The following ANKIB1 variants were observed in gnomAD, a reference collection of about 807,000 sequenced individuals.
ANKIB1 encodes ankyrin repeat and IBR domain containing 1.
A neutral mutation model predicts 122.1 loss-of-function variants in ANKIB1; 43 were observed. The ratio of observed to expected loss-of-function variants is 0.35; its 90% CI spans 0.28 to 0.45. The LOEUF (loss-of-function observed/expected upper bound fraction) is 0.45, where lower values mean the gene tolerates loss of function less well. Among genes scored for constraint, ANKIB1 ranks in the 20% least tolerant of loss-of-function variants. The pLI, the probability that ANKIB1 is intolerant of heterozygous loss-of-function variation, is 1.00. For missense variants in ANKIB1, 992 were observed against 1,329.5 expected (o/e 0.75, Z 3.95); for synonymous variants, 390 against 442.0 (o/e 0.88, Z 1.48).
chr7:92,296,637 A>G (rs944864510), intron 2 of ANKIB1, among the ~76,000 whole-genome samples: 6 of 152,106 alleles, frequency 3.9e-5, no homozygotes, highest in Non-Finnish European at 7.4e-5. Context: ...TATTTGCTAT[A>G]TATTACCTAT....
intron 3 of ANKIB1, among the ~76,000 whole-genome samples, chr7:92,309,942 AATATATATAT>A (rs1162113763): frequency 1.1e-5 from 1 of 91,818 alleles, no homozygotes; most frequent in Non-Finnish European, 2.0e-5. Flanking sequence ...AAAAAAAAAA[AATATATATAT>A]ATATATATAT....
chr7:92,291,304 A>T (rs1562772722), intron 1 of ANKIB1, among the ~76,000 whole-genome samples: 1 of 152,044 alleles, frequency 6.6e-6, no homozygotes, highest in African/African-American at 2.4e-5. Flanking sequence ...AAAAAAAAAA[A>T]AAAAGAGTAT....
chr7:92,350,927 T>A, intron 7 of ANKIB1, 23 bp from the exon 8 acceptor site: 1 of 1,580,646 alleles, frequency 6.3e-7, no homozygotes. Context: ...GCTCGTTTGA[T>A]GTGCATTGAT....
chr7:92,339,042 T>C (rs1272215746), intron 5 of ANKIB1, among the ~76,000 whole-genome samples: 1 of 95,108 alleles, frequency 1.1e-5, no homozygotes, highest in African/African-American at 4.7e-5. Context: ...TGAATTTTCT[T>C]TTTTTTTTTT....
At chr7:92,246,952 A>G (rs1296444191) in intron 1 of ANKIB1, among the ~76,000 whole-genome samples, 1 of 152,204 alleles carries the variant, frequency 6.6e-6, no homozygotes, top group Non-Finnish European at 1.5e-5. Flanking sequence ...ATAGGTGCAG[A>G]TGGCTCCAGT....
chr7:92,394,694 C>T (rs1001083861), intron 17 of ANKIB1, among the ~76,000 whole-genome samples: 44 of 152,082 alleles, frequency 2.9e-4, no homozygotes, highest in African/African-American at 9.9e-4. Context: ...TCTGTTGAGC[C>T]TTGACGACAC....
In ANKIB1 at chr7:92,334,365, A is replaced by G. The variant is rs372929769; in HGVS notation, c.787+6465A>G. On this transcript the variant is annotated intron_variant, in intron 5 of 19. Transcript: ENST00000265742. Reference sequence around the variant, plus strand: ...CCTGATTCCAAGGGATAATCTTTGTACTATGTCCCATTGCTAACATTTTGA... The same window carrying G: ...CCTGATTCCAAGGGATAATCTTTGTGCTATGTCCCATTGCTAACATTTTGA... 6.6e-4 allele frequency among the ~76,000 whole-genome samples: 101 copies of G among 152,246 alleles called. 3 individuals carry two copies. In the East Asian group the frequency reaches 0.011, roughly 17 times the overall value.
At chr7:92,391,126 A>G (rs997354764) in intron 15 of ANKIB1, 40 bp from the exon 16 acceptor site, 4 of 1,547,810 alleles carry the variant, frequency 2.6e-6, no homozygotes, top group South Asian at 2.5e-5. Context: ...TGATTAACCT[A>G]TGAAGCCTGT....
intron 1 of ANKIB1, among the ~76,000 whole-genome samples, chr7:92,293,647 T>C (rs1380146241): frequency 6.6e-6 from 1 of 152,246 alleles, no homozygotes; most frequent in Non-Finnish European, 1.5e-5. Context: ...ATTATATCAT[T>C]GCCCTGCATA....
chr7:92,358,545 T>TC (rs1319088470), intron 9 of ANKIB1, among the ~76,000 whole-genome samples: 2 of 151,698 alleles, frequency 1.3e-5, no homozygotes, highest in Non-Finnish European at 2.9e-5. Flanking sequence ...TGGCTTTTTT[T>TC]TTTTTTCAGA....
chr7:92,339,996 G>A (rs1025824229), intron 5 of ANKIB1, among the ~76,000 whole-genome samples: 1 of 151,186 alleles, frequency 6.6e-6, no homozygotes, highest in African/African-American at 2.4e-5. Flanking sequence ...TTTTTGGTAA[G>A]TGTTTTCTTT....
At chr7:92,253,691 A>G (rs575750900) in intron 1 of ANKIB1, among the ~76,000 whole-genome samples, 1 of 152,094 alleles carries the variant, frequency 6.6e-6, no homozygotes, top group Non-Finnish European at 1.5e-5. Flanking sequence ...TTACTTATCT[A>G]GAAAACCTTT....
At chr7:92,321,549 A>G (rs866274403) in intron 4 of ANKIB1, among the ~76,000 whole-genome samples, 14 of 152,306 alleles carry the variant, frequency 9.2e-5, no homozygotes, top group Middle Eastern at 3.4e-3. Flanking sequence ...CTTGCACAAA[A>G]CAGGCATCCA....
chr7:92,251,136 C>T (rs955497004), intron 1 of ANKIB1, among the ~76,000 whole-genome samples: 13 of 152,062 alleles, frequency 8.5e-5, no homozygotes, highest in Non-Finnish European at 1.6e-4. Flanking sequence ...CTCACTGAAA[C>T]AATATTGGAG....
rs1218156981 is a variant in ANKIB1, at chr7:92,296,339, C to T, written c.188+1173C>T. Among the ~76,000 whole-genome samples the T allele has an allele frequency of 2.0e-5, 3 of 152,034 alleles. No individual in the cohort carries two copies. In the East Asian group the frequency reaches 5.8e-4, roughly 29 times the overall value. On this transcript the variant is annotated intron_variant, in intron 2 of 19. Transcript: ENST00000265742. ...CTAGACTCAAGCTATCCTCCTACCT[C>T]AGCTTCCCAAGTAGCTAGGACTACA...
rs371339261 is a variant in ANKIB1, at chr7:92,362,201, G to A, written c.1414G>A (p.Ala472Thr). 4.4e-5 allele frequency: 70 copies of A among 1,598,722 alleles called. No individual in the cohort carries two copies. The highest frequency in any genetic ancestry group is 5.7e-5 in the Non-Finnish European group (67 of 1,172,378). ...TTTCTTTAGGGAGTGCCTTGGTGAA[G>A]CACATGAGCCTTGTGACTGCCAAAC... The part of the protein sequence containing the change: ...HLFCWECLGE[A>T]HEPCDCQTWK... Residue 472 changes from alanine (A) to threonine (T), a missense_variant, in exon 10 of 20, where the codon GCA becomes ACA. This residue lies in a region of ANKIB1 where 521 missense variants were observed against 777.7 expected (regional missense o/e 0.67). Transcript: ENST00000265742.
At chr7:92,265,935 A>C (rs577290700) in intron 1 of ANKIB1, among the ~76,000 whole-genome samples, 1 of 152,352 alleles carries the variant, frequency 6.6e-6, no homozygotes, top group South Asian at 2.1e-4. Flanking sequence ...AGAAGTTAGG[A>C]ATCATCAGTA....
intron 1 of ANKIB1, among the ~76,000 whole-genome samples, chr7:92,285,524 C>T (rs1802102290): frequency 6.6e-6 from 1 of 152,174 alleles, no homozygotes; most frequent in Admixed American, 6.5e-5. Flanking sequence ...TTAATCTTTA[C>T]AATAGCCTTT....
In ANKIB1 at chr7:92,275,883, T is replaced by C. The variant is rs963505124; in HGVS notation, c.-90-19006T>C. Among the ~76,000 whole-genome samples, 8 of 152,322 alleles carry C rather than the reference T, an allele frequency of 5.3e-5. No homozygotes were observed. In the South Asian group the frequency reaches 1.7e-3, roughly 32 times the overall value. On this transcript the variant is annotated intron_variant, in intron 1 of 19. Transcript: ENST00000265742. Reference sequence around the variant, plus strand: ...AATAAGCATCACTGTACATGTCTCTTTGTGTACCTGTTATAGGAGTTATCC... The same window carrying C: ...AATAAGCATCACTGTACATGTCTCTCTGTGTACCTGTTATAGGAGTTATCC...
Sources: gnomAD v4.1 joint callset for allele counts (sites outside exome capture counted in the v4.1 genomes callset) on GRCh38, gnomAD v4.1.1 for gene constraint, gnomAD v4.1.1 regional missense constraint, MANE v1.5 for transcripts, NCBI Gene and HGNC (gene_info 2026-07-23, HGNC 2026-07-21) for gene names.